The following ADGRG6 variants were observed in gnomAD, a reference collection of about 807,000 sequenced individuals.
ADGRG6 encodes the protein adhesion G protein-coupled receptor G6.
In ADGRG6, 84 loss-of-function variants were observed where a neutral mutation model predicts 142.4. That is an observed-to-expected ratio of 0.59 (90% CI 0.49 to 0.71). The LOEUF is 0.71. ADGRG6 is among the 30% of genes least tolerant of loss of function. The pLI is 0.00. For synonymous variants in ADGRG6, 521 were observed against 520.5 expected (o/e 1.00, Z -0.01); for missense variants, 1,367 against 1,466.6 (o/e 0.93, Z 1.11).
rs1044765182 is a variant in ADGRG6 at position 142,381,882 on chromosome 6, G to C, written c.1070-69G>C. The stretch of plus-strand genomic sequence containing the variant: ...TAGGGCTGCTTCTATTACATCAACC[G>C]TATGATTTTTCTGGATAATATCACT... On this transcript the variant is annotated intron_variant, in intron 4 of 24. Coordinates refer to ENST00000367609, the MANE Select transcript of ADGRG6 (RefSeq NM_198569.3). 7 of 952,356 alleles carry C rather than the reference G, an allele frequency of 7.4e-6. No individual in the cohort carries two copies. In the Admixed American group the frequency reaches 1.4e-4, roughly 19 times the overall value. 59.0% of individuals were successfully genotyped at this position (952,356 alleles called of 1,614,324 possible).
intron 2 of ADGRG6, among the ~76,000 whole-genome samples, chr6:142,319,148 C>T (rs1266759979): frequency 1.3e-5 from 2 of 152,130 alleles, no homozygotes; most frequent in African/African-American, 2.4e-5. Flanking sequence ...CATTGGTGAA[C>T]AGCCCTGACA....
chr6:142,411,244 A>G, intron 17 of ADGRG6, 61 bp from the exon 18 acceptor site: 1 of 881,616 alleles, frequency 1.1e-6, no homozygotes, highest in Non-Finnish European at 1.9e-6. Flanking sequence ...AGAAGGTCTC[A>G]TCCATTATAG....
At chr6:142,359,039 A>G (rs1299199232) in intron 2 of ADGRG6, among the ~76,000 whole-genome samples, 1 of 148,788 alleles carries the variant, frequency 6.7e-6, no homozygotes, top group East Asian at 2.0e-4. Flanking sequence ...GATCCCCTCT[A>G]CAATTAAAAA....
chr6:142,317,763 A>C (rs927422565), intron 2 of ADGRG6, among the ~76,000 whole-genome samples: 2 of 102,652 alleles, frequency 1.9e-5, no homozygotes, highest in Non-Finnish European at 3.6e-5. Context: ...TATATTATAT[A>C]TATTTATATC....
intron 11 of ADGRG6, 173 bp downstream of exon 11, chr6:142,400,769 C>T: frequency 1.9e-6 from 1 of 532,898 alleles, no homozygotes; most frequent in Non-Finnish European, 3.4e-6. Context: ...AAGTGGATGA[C>T]TCAGAAAGGC....
Position 142,444,956 on chromosome 6 carries a change from A to T in ADGRG6, c.*1441A>T, listed in dbSNP as rs1217306465. 1 of 152,202 alleles carries T rather than the reference A, an allele frequency of 6.6e-6. No individual in the cohort carries two copies. Among genetic ancestry groups the T allele is most frequent in the African/African-American group, 2.4e-5 (1 of 41,452 alleles). 9.4% of individuals were successfully genotyped at this position (152,202 alleles called of 1,614,324 possible). On this transcript the variant is annotated 3_prime_UTR_variant, in exon 25 of 25. Coordinates refer to ENST00000367609, the MANE Select transcript of ADGRG6 (RefSeq NM_198569.3). ...ACATTCTGGCAAAGCCAATCTGCTT[A>T]AAGGCAAAGTCCAGAACCTGGAACC... is the stretch of plus-strand genomic sequence containing the variant.
At chr6:142,442,575 C>T (rs1582702577) in intron 24 of ADGRG6, among the ~76,000 whole-genome samples, 1 of 151,838 alleles carries the variant, frequency 6.6e-6, no homozygotes, top group Non-Finnish European at 1.5e-5. Flanking sequence ...GTGCTGTTAG[C>T]AATAACATCA....
At chr6:142,303,408 A>G (rs149794897) in intron 1 of ADGRG6, among the ~76,000 whole-genome samples, 85 of 152,308 alleles carry the variant, frequency 5.6e-4, no homozygotes, top group Non-Finnish European at 1.0e-3. Flanking sequence ...TTAAAATAGG[A>G]GAAAGAAAGG....
At chr6:142,349,902 G>A (rs1423749849) in intron 2 of ADGRG6, among the ~76,000 whole-genome samples, 3 of 152,146 alleles carry the variant, frequency 2.0e-5, no homozygotes, top group Non-Finnish European at 4.4e-5. Flanking sequence ...TCTAAACTCT[G>A]TGGTTCCTCA....
At chr6:142,392,635 T>C (rs1450820652) in intron 7 of ADGRG6, among the ~76,000 whole-genome samples, 1 of 152,008 alleles carries the variant, frequency 6.6e-6, no homozygotes, top group East Asian at 1.9e-4. Context: ...TACTGCTTAC[T>C]TGGGTGATCT....
rs1298424629 is a variant in ADGRG6, at chr6:142,419,882, T to C, written c.3097T>C (p.Phe1033Leu). The change falls in exon 22 of 25, where the codon TTT (phenylalanine) becomes CTT (leucine). Residue 1033 changes from phenylalanine to leucine, a missense_variant. By Grantham distance (22) the Phe-to-Leu change is conservative. This residue lies in a region of ADGRG6 where 344 missense variants were observed against 348.7 expected (regional missense o/e 0.99). Coordinates refer to ENST00000367609, the MANE Select transcript of ADGRG6 (RefSeq NM_198569.3). ...CTGTGCTGGGTATTTTGGAGTCATGTTTTTTCTGAACATTGCCATGTTCAT... is the reference window on the plus strand; with the variant it reads ...CTGTGCTGGGTATTTTGGAGTCATGCTTTTTCTGAACATTGCCATGTTCAT... ...VTCAGYFGVM[F>L]FLNIAMFIVV... 1 of 1,612,974 alleles carries C rather than the reference T, an allele frequency of 6.2e-7. No individual in the cohort carries two copies. Among genetic ancestry groups the C allele is most frequent in the African/African-American group, 1.3e-5 (1 of 74,862 alleles).
chr6:142,405,297 T>C (rs1775739173), intron 14 of ADGRG6: 1 of 455,240 alleles, frequency 2.2e-6, no homozygotes, highest in African/African-American at 2.0e-5. Context: ...ACAAGTTAAC[T>C]TCAGTCTCTT....
intron 2 of ADGRG6, among the ~76,000 whole-genome samples, chr6:142,355,594 C>T (rs1178366038): frequency 6.6e-6 from 1 of 152,012 alleles, no homozygotes; most frequent in African/African-American, 2.4e-5. Context: ...CTCTGCTCTC[C>T]AGCGACAGGG....
intron 2 of ADGRG6, among the ~76,000 whole-genome samples, chr6:142,331,481 C>T (rs751179207): frequency 5.3e-5 from 8 of 151,970 alleles, no homozygotes; most frequent in Non-Finnish European, 1.0e-4. Flanking sequence ...TGCTGTATGA[C>T]GAAAATGCAG....
chr6:142,439,051 T>A (rs1777620169), intron 24 of ADGRG6, among the ~76,000 whole-genome samples: 1 of 152,268 alleles, frequency 6.6e-6, no homozygotes, highest in East Asian at 1.9e-4. Context: ...CTCTGGAGGC[T>A]GAGATGGTGG....
chr6:142,430,960 C>G (rs181576334), intron 22 of ADGRG6, among the ~76,000 whole-genome samples: 11 of 152,240 alleles, frequency 7.2e-5, no homozygotes, highest in Admixed American at 2.0e-4. Flanking sequence ...CCTAACAACC[C>G]CCGTAGGCCC....
At chr6:142,346,784 C>A (rs1474511194) in intron 2 of ADGRG6, among the ~76,000 whole-genome samples, 1 of 145,716 alleles carries the variant, frequency 6.9e-6, no homozygotes, top group African/African-American at 2.5e-5. Flanking sequence ...AACAGAAAAC[C>A]AAACACCACA....
At chr6:142,401,348 A>G (rs1775514076) in intron 11 of ADGRG6, among the ~76,000 whole-genome samples, 2 of 152,222 alleles carry the variant, frequency 1.3e-5, no homozygotes, top group South Asian at 4.1e-4. Flanking sequence ...TTAATCTTCT[A>G]TAAGATGTGA....
intron 6 of ADGRG6, among the ~76,000 whole-genome samples, chr6:142,384,920 G>T (rs887613890): frequency 6.6e-6 from 1 of 152,014 alleles, no homozygotes; most frequent in Non-Finnish European, 1.5e-5. Flanking sequence ...TATTCTGATA[G>T]TTACACCAAG....
Sources: allele counts gnomAD v4.1 joint callset (sites outside exome capture counted in the v4.1 genomes callset), GRCh38; gene constraint gnomAD v4.1.1; regional missense constraint gnomAD v4.1.1; transcripts MANE v1.5; gene names NCBI Gene and HGNC (gene_info 2026-07-23, HGNC 2026-07-21).